RALGPS1: variants seen among roughly 807,000 people sequenced by gnomAD.
The protein encoded by RALGPS1 is ras-specific guanine nucleotide-releasing factor RalGPS1.
RALGPS1 carries 19 observed loss-of-function variants against 78.8 expected under a neutral mutation model. The observed-to-expected ratio is 0.24, with a 90% confidence interval of 0.17 to 0.35. The LOEUF (loss-of-function observed/expected upper bound fraction) is 0.35. RALGPS1 is among the 10% of genes least tolerant of loss of function. The pLI, the probability that RALGPS1 is intolerant of heterozygous loss-of-function variation, is 1.00. For synonymous variants in RALGPS1, 228 were observed against 256.3 expected, an observed-to-expected ratio of 0.89 and a Z score of 1.06; for missense variants, 454 against 688.3, an observed-to-expected ratio of 0.66 and a Z score of 3.81.
At chr9:127,172,112 A>G (rs1398947849) in intron 10 of RALGPS1, among the ~76,000 whole-genome samples, 1 of 152,162 alleles carries the variant, frequency 6.6e-6, no homozygotes, top group Non-Finnish European at 1.5e-5. Context: ...GCTGCGTTTC[A>G]TCAGGAAGTA....
intron 3 of RALGPS1, among the ~76,000 whole-genome samples, chr9:126,967,078 A>G (rs112218104): frequency 6.6e-6 from 1 of 152,140 alleles, no homozygotes; most frequent in African/African-American, 2.4e-5. Context: ...TGCCAAGGGA[A>G]CTAGCTGGGC....
intron 1 of RALGPS1, among the ~76,000 whole-genome samples, chr9:126,939,120 T>C (rs684616): frequency 0.59 from 89,111 of 152,112 alleles, 30,192 homozygotes; most frequent in East Asian, 0.81. Flanking sequence ...ACAGAACATG[T>C]TCCCCTGATG....
At chr9:127,182,240 A>G (rs2060271567) in intron 11 of RALGPS1, among the ~76,000 whole-genome samples, 1 of 151,272 alleles carries the variant, frequency 6.6e-6, no homozygotes, top group Non-Finnish European at 1.5e-5. Flanking sequence ...TGAGGCCATC[A>G]CTAGAAGCAG....
Position 127,091,623 on chromosome 9 carries a change from A to G in RALGPS1, c.610+22267A>G, listed in dbSNP as rs753422202. On this transcript the variant is annotated intron_variant, in intron 8 of 18. Transcript: ENST00000259351. This position sits in a 1 kb window ranked among gnomAD's most constrained non-coding sequence, Gnocchi z 4.3. ...GAGTCAGGGGCTCTGGCTCTGGTTG[A>G]CCTCTTTTCCCTACCCTGCACCTGG... The G allele has an allele frequency of 8.4e-5, 133 of 1,585,006 alleles. No individual in the cohort carries two copies. The highest frequency in any genetic ancestry group is 1.1e-4 in the Non-Finnish European group (132 of 1,164,444).
At chr9:127,186,497 C>T (rs1411216037) in intron 11 of RALGPS1, among the ~76,000 whole-genome samples, 1 of 152,218 alleles carries the variant, frequency 6.6e-6, no homozygotes, top group African/African-American at 2.4e-5. Context: ...ACAAGCGGTC[C>T]CAGAAGACAC....
chr9:127,207,920 A>G (rs1303242373), intron 14 of RALGPS1, among the ~76,000 whole-genome samples: 2 of 152,184 alleles, frequency 1.3e-5, no homozygotes, highest in African/African-American at 4.8e-5. Flanking sequence ...CAGGCCCTCC[A>G]CCCGCACCAG....
At chr9:126,934,976 ACATGAGC>A (rs2131264264) in intron 1 of RALGPS1, among the ~76,000 whole-genome samples, 1 of 152,290 alleles carries the variant, frequency 6.6e-6, no homozygotes, top group East Asian at 1.9e-4. Context: ...GACAAATAAG[ACATGAGC>A]CTTGTCTTTA....
intron 1 of RALGPS1, among the ~76,000 whole-genome samples, chr9:126,941,089 A>G (rs2036734258): frequency 6.6e-6 from 1 of 151,806 alleles, no homozygotes; most frequent in African/African-American, 2.4e-5. Context: ...ATTTTAAAAC[A>G]TGTTCAAGTG....
At chr9:127,022,433 G>T (rs1207178557) in intron 4 of RALGPS1, among the ~76,000 whole-genome samples, 2 of 151,798 alleles carry the variant, frequency 1.3e-5, no homozygotes, top group Non-Finnish European at 2.9e-5. Context: ...TGGCATCAGG[G>T]CAATACAGCC....
chr9:126,985,329 G>A (rs1328917007), intron 4 of RALGPS1, among the ~76,000 whole-genome samples: 3 of 152,168 alleles, frequency 2.0e-5, no homozygotes, highest in Non-Finnish European at 4.4e-5. Flanking sequence ...ACCTGGCAGA[G>A]CTGAGCTGAG....
chr9:127,188,184 C>G (rs1165039987), intron 11 of RALGPS1, among the ~76,000 whole-genome samples: 5 of 151,452 alleles, frequency 3.3e-5, no homozygotes, highest in Non-Finnish European at 5.9e-5. Context: ...GCCTCAGCCT[C>G]CTGAGTAGCT....
intron 7 of RALGPS1, among the ~76,000 whole-genome samples, chr9:127,065,153 G>A (rs896487589): frequency 1.3e-5 from 2 of 151,914 alleles, no homozygotes; most frequent in African/African-American, 4.8e-5. Flanking sequence ...TCACTCTGTG[G>A]CCTAGACTAG....
chr9:126,979,241 ATG>A (rs57264470), intron 4 of RALGPS1, among the ~76,000 whole-genome samples: 2,531 of 146,708 alleles, frequency 0.017, 29 homozygotes, highest in African/African-American at 0.034. Flanking sequence ...TTGTATTATT[ATG>A]TGTGTGTGTG....
At chr9:126,960,194 T>TCCTTCCCTC (rs1262692087) in intron 1 of RALGPS1, among the ~76,000 whole-genome samples, 3 of 45,694 alleles carry the variant, frequency 6.6e-5, no homozygotes, top group Admixed American at 3.0e-4. Flanking sequence ...CTCCCTCCCT[T>TCCTTCCCTC]CCTTCCCTCC....
intron 8 of RALGPS1, among the ~76,000 whole-genome samples, chr9:127,123,299 C>G (rs573375356): frequency 6.6e-6 from 1 of 152,362 alleles, no homozygotes; most frequent in African/African-American, 2.4e-5. Context: ...AGGGTGGAGG[C>G]AGCCCTGGAG....
At chr9:127,018,376 G>A (rs1433330015) in intron 4 of RALGPS1, among the ~76,000 whole-genome samples, 2 of 150,298 alleles carry the variant, frequency 1.3e-5, no homozygotes, top group Non-Finnish European at 3.0e-5. Context: ...AGTGGCTCAC[G>A]CCTGTAATCC....
chr9:127,050,572 C>T (rs926528508), intron 6 of RALGPS1, among the ~76,000 whole-genome samples: 1 of 152,214 alleles, frequency 6.6e-6, no homozygotes, highest in African/African-American at 2.4e-5. Context: ...CAGCACACCC[C>T]ACCCACCTCC....
At chr9:127,130,732 A>G (rs2056946890) in intron 8 of RALGPS1, among the ~76,000 whole-genome samples, 1 of 152,234 alleles carries the variant, frequency 6.6e-6, no homozygotes, top group Non-Finnish European at 1.5e-5. Flanking sequence ...TTCTTTTATT[A>G]TTCCCCAGTT....
At chr9:127,086,611 A>G (rs1183123355) in intron 8 of RALGPS1, among the ~76,000 whole-genome samples, 1 of 152,198 alleles carries the variant, frequency 6.6e-6, no homozygotes, top group Non-Finnish European at 1.5e-5. Flanking sequence ...TATTTGCTAT[A>G]TATGTTTCAA....
Sources: allele counts gnomAD v4.1 joint callset (sites outside exome capture counted in the v4.1 genomes callset), GRCh38; gene constraint gnomAD v4.1.1; non-coding constraint Gnocchi (gnomAD v3.1); transcripts MANE v1.5; gene names NCBI Gene and HGNC (gene_info 2026-07-23, HGNC 2026-07-21).